The following GJD4 variants were observed in gnomAD, a reference collection of about 807,000 sequenced individuals.
GJD4 encodes gap junction protein delta 4.
A neutral mutation model predicts 17.9 loss-of-function variants in GJD4; 18 were observed. The ratio of observed to expected loss-of-function variants is 1.00; its 90% CI spans 0.69 to 1.49. The LOEUF is 1.49. Ranked by LOEUF, GJD4 falls within the 40% of genes most tolerant of loss-of-function variation. GJD4 has a pLI of 0.00. For missense variants in GJD4, 639 were observed against 506.9 expected, an observed-to-expected ratio of 1.26 and a Z score of -2.50; for synonymous variants, 293 against 236.8, an observed-to-expected ratio of 1.24 and a Z score of -2.18.
chr10:35,608,197 G>A lies in GJD4; in HGVS notation c.684G>A (p.Pro228=), dbSNP rs75803523. The A allele has an allele frequency of 6.9e-6, 11 of 1,590,740 alleles. No homozygotes were observed. Among genetic ancestry groups the A allele is most frequent in the South Asian group, 4.5e-5 (4 of 89,072 alleles). The part of the protein sequence containing the change: ...CSLRRRMRRR[P]GPPTSPSIRK... ...TGCGGCGGCGGATGCGCAGGAGGCC[G>A]GGACCCCCCACAAGCCCCTCCATCC... Residue 228 remains proline, a synonymous_variant, in exon 2 of 2, where the codon CCG becomes CCA. Transcript: ENST00000321660.
intron 1 of GJD4, chr10:35,606,823 G>A (rs1414231203): frequency 6.6e-6 from 1 of 152,138 alleles, no homozygotes; most frequent in Non-Finnish European, 1.5e-5. Context: ...ATTGAAGAAA[G>A]ACAAGCCCCA....
At chr10:35,607,514 T>A (rs1426842413) in intron 1 of GJD4, 64 bp from the exon 2 acceptor site, 1 of 1,098,604 alleles carries the variant, frequency 9.1e-7, no homozygotes, top group Non-Finnish European at 1.4e-6. Flanking sequence ...ATAGACACTT[T>A]AAAGCTGTTA....
rs1315597452 is a variant in GJD4 at position 35,607,723 on chromosome 10, C to T, written c.210C>T (p.Ser70=). 1.9e-6 allele frequency: 3 copies of T among 1,613,892 alleles called. No homozygotes were observed. The highest frequency in any genetic ancestry group is 2.2e-5 in the South Asian group (2 of 91,088). ...GCANVCYDVF[S]PVSHLRFWLI... ...CCAATGTTTGCTACGACGTCTTCTC[C>T]CCCGTGTCTCACCTGCGGTTCTGGC... Residue 70 remains serine (S), a synonymous_variant, in exon 2 of 2, where the codon TCC becomes TCT. Transcript: ENST00000321660.
chr10:35,608,110 G>A lies in GJD4; in HGVS notation c.597G>A (p.Leu199=). The part of the protein sequence containing the change: ...SRPTEKSLLM[L]FLWAVSALSF... ...CCACAGAGAAGTCCCTGCTGATGCTGTTCCTCTGGGCGGTCAGCGCGCTGT... is the reference window on the plus strand; with the variant it reads ...CCACAGAGAAGTCCCTGCTGATGCTATTCCTCTGGGCGGTCAGCGCGCTGT... Residue 199 remains leucine (L), a synonymous_variant, in exon 2 of 2, where the codon CTG becomes CTA. Coordinates refer to ENST00000321660, the MANE Select transcript of GJD4 (RefSeq NM_153368.3). The A allele has an allele frequency of 6.2e-7, 1 of 1,609,906 alleles. No homozygotes were observed. The highest frequency in any genetic ancestry group is 1.1e-5 in the South Asian group (1 of 90,800).
At chr10:35,606,043 G>GA (rs1835451203) in intron 1 of GJD4, 649 of 153,942 alleles carry the variant, frequency 4.2e-3, no homozygotes, top group South Asian at 0.012. Flanking sequence ...CTGGAAGCTT[G>GA]GTTTTTTTTT....
Position 35,607,880 on chromosome 10 carries a change from C to A in GJD4, c.367C>A (p.Arg123Ser), listed in dbSNP as rs563952204. ...DPREPASGQR[R>S]CPRPFGERGG... ...CCGGGAGCCGGCCTCCGGGCAGAGA[C>A]GCTGCCCGCGGCCATTCGGGGAGCG... Residue 123 changes from arginine (R) to serine (S), a missense_variant, in exon 2 of 2, where the codon CGC becomes AGC. Coordinates refer to ENST00000321660, the MANE Select transcript of GJD4 (RefSeq NM_153368.3). The A allele has an allele frequency of 7.5e-6, 12 of 1,592,944 alleles. No homozygotes were observed. Among genetic ancestry groups the A allele is most frequent in the Non-Finnish European group, 8.5e-7 (1 of 1,174,730 alleles).
rs753467235 is a variant in GJD4 at position 35,608,593 on chromosome 10, C to G, written c.1080C>G (p.Pro360=). Residue 360 remains proline (P), a synonymous_variant, in exon 2 of 2, where the codon CCC becomes CCG. Coordinates refer to ENST00000321660, the MANE Select transcript of GJD4 (RefSeq NM_153368.3). ...PDPPASSSGA[P]HLRARKSEWV is the part of the protein sequence containing the mutation. ...CGCCTGCCAGCTCCAGTGGTGCTCC[C>G]CACCTGAGAGCCAGGAAGTCTGAGT... 2.0e-5 allele frequency: 31 copies of G among 1,526,298 alleles called. No individual in the cohort carries two copies. Among genetic ancestry groups the G allele is most frequent in the Non-Finnish European group, 2.4e-5 (27 of 1,140,810 alleles). 94.5% of individuals were successfully genotyped at this position (1,526,298 alleles called of 1,614,324 possible). A position where few individuals can be genotyped will look rare whatever the true frequency, so the allele number is the denominator to read the frequency against.
rs772547506 is a variant in GJD4 at position 35,605,648 on chromosome 10, T to C, written c.64+17T>C. The stretch of plus-strand genomic sequence containing the variant: ...CCATGGTGGGTGAGTATTGGGACCA[T>C]CTCCAAACTCCTGCGCTGTTTTTAT... On this transcript the variant is annotated intron_variant, in intron 1 of 1. Coordinates refer to ENST00000321660, the MANE Select transcript of GJD4 (RefSeq NM_153368.3). 2 of 1,591,042 alleles carry C rather than the reference T, an allele frequency of 1.3e-6. No individual in the cohort carries two copies. The highest frequency in any genetic ancestry group is 1.7e-6 in the Non-Finnish European group (2 of 1,159,072).
chr10:35,605,529 G>T lies in GJD4; in HGVS notation c.-39G>T, dbSNP rs751460100. 1.3e-6 allele frequency: 2 copies of T among 1,552,250 alleles called. No homozygotes were observed. Among genetic ancestry groups the T allele is most frequent in the Non-Finnish European group, 1.8e-6 (2 of 1,123,620 alleles). ...CCTCCTTGGAGAACACAGCCCTCCAGTGTCTCCTGCAGCCTGGAGCCTGGG... is the reference window on the plus strand; with the variant it reads ...CCTCCTTGGAGAACACAGCCCTCCATTGTCTCCTGCAGCCTGGAGCCTGGG... On this transcript the variant is annotated 5_prime_UTR_variant, in exon 1 of 2. Coordinates refer to ENST00000321660, the MANE Select transcript of GJD4 (RefSeq NM_153368.3).
Position 35,607,569 on chromosome 10 carries a change from C to G in GJD4, c.65-9C>G. On this transcript the variant is annotated splice_polypyrimidine_tract_variant and intron_variant, in intron 1 of 1. Transcript: ENST00000321660. The stretch of plus-strand genomic sequence containing the variant: ...GGTGATGAGGCCATGCCCGCTTCCT[C>G]TCTTCCAGGAAAGCTCTGGTTCGTC... 1 of 1,609,590 alleles carries G rather than the reference C, an allele frequency of 6.2e-7. No individual in the cohort carries two copies. Among genetic ancestry groups the G allele is most frequent in the South Asian group, 1.1e-5 (1 of 90,840 alleles).
Position 35,607,954 on chromosome 10 carries a change from C to A in GJD4, c.441C>A (p.Leu147=), listed in dbSNP as rs756784586. Residue 147 remains leucine, a synonymous_variant, in exon 2 of 2, where the codon CTC becomes CTA. Coordinates refer to ENST00000321660, the MANE Select transcript of GJD4 (RefSeq NM_153368.3). ...PDFSAGYIIH[L]LLRTLLEAAF... ...TTTCGGCCGGCTACATCATCCACCT[C>A]CTCCTCCGGACCCTGCTGGAGGCAG... 1.1e-5 allele frequency: 17 copies of A among 1,610,358 alleles called. No individual in the cohort carries two copies. The highest frequency in any genetic ancestry group is 1.3e-5 in the Non-Finnish European group (15 of 1,179,318).
chr10:35,605,782 G>T, intron 1 of GJD4, 151 bp downstream of exon 1: 1 of 647,006 alleles, frequency 1.5e-6, no homozygotes. Context: ...AAAGGGCTGT[G>T]CCTTTCTGGA....
rs897338829 is a variant in GJD4 at position 35,605,647 on chromosome 10, A to G, written c.64+16A>G. Reference sequence around the variant, plus strand: ...ACCATGGTGGGTGAGTATTGGGACCATCTCCAAACTCCTGCGCTGTTTTTA... The same window carrying G: ...ACCATGGTGGGTGAGTATTGGGACCGTCTCCAAACTCCTGCGCTGTTTTTA... On this transcript the variant is annotated intron_variant, in intron 1 of 1. Transcript: ENST00000321660. 1.3e-5 allele frequency: 20 copies of G among 1,594,146 alleles called. No homozygotes were observed. The highest frequency in any genetic ancestry group is 1.7e-5 in the Non-Finnish European group (20 of 1,161,874).
At position 35,607,727 on chromosome 10, in the gene GJD4, G is replaced by C. The variant is rs549492032; in HGVS notation, c.214G>C (p.Val72Leu). The change falls in exon 2 of 2, where the codon GTG becomes CTG. Residue 72 changes from valine (V) to leucine (L), a missense_variant. Val to Leu is a conservative substitution (Grantham distance 32, BLOSUM62 1). Coordinates refer to ENST00000321660, the MANE Select transcript of GJD4 (RefSeq NM_153368.3). ...ANVCYDVFSP[V>L]SHLRFWLIQG... ...TGTTTGCTACGACGTCTTCTCCCCC[G>C]TGTCTCACCTGCGGTTCTGGCTGAT... 3.1e-6 allele frequency: 5 copies of C among 1,613,734 alleles called. No individual in the cohort carries two copies. The highest frequency in any genetic ancestry group is 8.5e-7 in the Non-Finnish European group (1 of 1,180,028).
chr10:35,608,065 G>A lies in GJD4; in HGVS notation c.552G>A (p.Val184=), dbSNP rs772440122. ...PCTRPPCTGV[V]DCYVSRPTEK... is the part of the protein sequence containing the mutation. ...CGCGCCCTCCGTGCACGGGCGTGGT[G>A]GACTGCTACGTGTCGCGGCCCACAG... Residue 184 remains valine, a synonymous_variant, in exon 2 of 2, where the codon GTG becomes GTA. Coordinates refer to ENST00000321660, the MANE Select transcript of GJD4 (RefSeq NM_153368.3). The A allele has an allele frequency of 5.4e-5, 87 of 1,609,348 alleles. No individual in the cohort carries two copies. Among genetic ancestry groups the A allele is most frequent in the Non-Finnish European group, 7.0e-5 (83 of 1,178,124 alleles).
At chr10:35,606,538 T>G (rs1280799157) in intron 1 of GJD4, 2 of 152,250 alleles carry the variant, frequency 1.3e-5, no homozygotes, top group African/African-American at 4.8e-5. Context: ...TCTGGCTCAT[T>G]ATTTTGTAGA....
intron 1 of GJD4, chr10:35,607,299 C>G: frequency 2.1e-6 from 1 of 466,862 alleles, no homozygotes; most frequent in Non-Finnish European, 3.8e-6. Context: ...TGAGTAAAGA[C>G]AAGCTGACAG....
At chr10:35,606,733 G>A (rs945638827) in intron 1 of GJD4, 10 of 152,146 alleles carry the variant, frequency 6.6e-5, no homozygotes, top group Admixed American at 6.5e-4. Flanking sequence ...AACATGTTTC[G>A]AAACAGTTGG....
In GJD4 at chr10:35,608,365, G is replaced by A. The variant is rs1417769711; in HGVS notation, c.852G>A (p.Val284=). Residue 284 remains valine (V), a synonymous_variant, in exon 2 of 2, where the codon GTG becomes GTA. Transcript: ENST00000321660. ...GAGSPRRTSR[V]SGHTKIPDED... ...GCAGCCCCAGGCGTACATCCAGGGT[G>A]TCAGGGCACACGAAGATTCCGGATG... 2 of 1,552,528 alleles carry A rather than the reference G, an allele frequency of 1.3e-6. No individual in the cohort carries two copies. Among genetic ancestry groups the A allele is most frequent in the African/African-American group, 1.4e-5 (1 of 73,272 alleles).
Sources: gnomAD v4.1 joint callset for allele counts on GRCh38, gnomAD v4.1.1 for gene constraint, MANE v1.5 for transcripts, NCBI Gene and HGNC (gene_info 2026-07-23, HGNC 2026-07-21) for gene names.